The following PASD1 variants were observed in gnomAD, a reference collection of about 807,000 sequenced individuals.
PASD1 encodes circadian clock protein PASD1.
PASD1 carries 13 observed loss-of-function variants against 58.8 expected under a neutral mutation model. The ratio of observed to expected loss-of-function variants is 0.22; its 90% confidence interval spans 0.14 to 0.35. PASD1 has a LOEUF of 0.35. Ranked by LOEUF, PASD1 falls within the 10% of genes least tolerant of loss-of-function variation. PASD1 has a pLI of 1.00. For missense variants in PASD1, 734 were observed against 568.3 expected (o/e 1.29, Z -2.96); for synonymous variants, 236 against 216.7 (o/e 1.09, Z -0.78).
At chrX:151,674,319 C>T in intron 15 of PASD1, 133 bp downstream of exon 15, 1 of 841,427 alleles carries the variant, frequency 1.2e-6, no homozygotes, top group East Asian at 3.1e-5. Context: ...CATTTGACGG[C>T]AGTTAGTCAC....
At chrX:151,631,271 C>T (rs2013863118) in intron 8 of PASD1, among the ~76,000 whole-genome samples, 2 of 111,545 alleles carry the variant, frequency 1.8e-5, no homozygotes, top group Admixed American at 1.9e-4. Context: ...ATGTATGATT[C>T]ACCCAAACTC....
At chrX:151,587,021 G>C (rs1266421323) in intron 1 of PASD1, among the ~76,000 whole-genome samples, 1 of 111,517 alleles carries the variant, frequency 9.0e-6, no homozygotes, top group African/African-American at 3.3e-5. Flanking sequence ...ATCTGTTTTA[G>C]AGCCTGCAGA....
chrX:151,668,739 C>T (rs1362763837), intron 11 of PASD1, among the ~76,000 whole-genome samples: 1 of 109,285 alleles, frequency 9.2e-6, no homozygotes, highest in Non-Finnish European at 1.9e-5. Flanking sequence ...CAAAAAAAGT[C>T]CAGGACCAGA....
In PASD1 at chrX:151,672,477, G is replaced by T; in HGVS notation, c.1732G>T (p.Val578Leu). 8 of 1,211,937 alleles carry T rather than the reference G, an allele frequency of 6.6e-6. No homozygotes were observed. Among genetic ancestry groups the T allele is most frequent in the Non-Finnish European group, 8.9e-6 (8 of 895,615 alleles). ...GCAGCCACTGAAGCATAATGTCATC[G>T]TGGGGAATGAGAGGGTGCAGATATG... ...QEQPLKHNVI[V>L]GNERVQICLQ... The change falls in exon 14 of 16, where the codon GTG (valine) becomes TTG (leucine). Residue 578 changes from valine to leucine, a missense_variant. Physicochemically the swap from Val to Leu is conservative, Grantham distance 32 (BLOSUM62 1). Transcript: ENST00000370357.
chrX:151,650,838 G>A, intron 9 of PASD1, among the ~76,000 whole-genome samples: 1 of 111,727 alleles, frequency 9.0e-6, no homozygotes, highest in Non-Finnish European at 1.9e-5. Flanking sequence ...ATTGCAGAGA[G>A]GGAGAACACA....
At chrX:151,588,161 G>T (rs1367022209) in intron 1 of PASD1, among the ~76,000 whole-genome samples, 2 of 111,744 alleles carry the variant, frequency 1.8e-5, no homozygotes, top group African/African-American at 6.5e-5. Context: ...ACCATATTGA[G>T]ATTTGAAAGA....
chrX:151,599,788 G>T (rs1269701745), intron 1 of PASD1, among the ~76,000 whole-genome samples: 1 of 108,915 alleles, frequency 9.2e-6, no homozygotes, highest in Non-Finnish European at 1.9e-5. Context: ...AGACTGGGCG[G>T]CCGGGCAGAG....
intron 1 of PASD1, 91 bp from the exon 2 acceptor site, chrX:151,601,436 C>T: frequency 1.5e-6 from 1 of 651,676 alleles, no homozygotes; most frequent in Non-Finnish European, 2.4e-6. Flanking sequence ...AAAAGTGTTA[C>T]ACAATTGAGA....
intron 9 of PASD1, among the ~76,000 whole-genome samples, chrX:151,657,470 C>T (rs879170358): frequency 9.0e-6 from 1 of 111,524 alleles, no homozygotes; most frequent in African/African-American, 3.3e-5. Flanking sequence ...TAGAATTCGA[C>T]TGTGAGTCCG....
rs201580307 is a variant in PASD1 at position 151,674,173 on chromosome X, C to A, written c.2162C>A (p.Pro721His). Residue 721 changes from proline to histidine, a missense_variant, in exon 15 of 16, where the codon CCC (proline) becomes CAC (histidine). Physicochemically the swap from Pro to His is moderately conservative, Grantham distance 77. Transcript: ENST00000370357. ...CDEQGTLHGQ[P>H]TYHQVQVSEV... is the part of the protein sequence containing the mutation. ...GAGCAGGGCACCCTGCACGGCCAAC[C>A]CACCTACCATCAGGTATGGGACAGC... 3.7e-5 allele frequency: 45 copies of A among 1,210,211 alleles called. No homozygotes were observed. Among genetic ancestry groups the A allele is most frequent in the Non-Finnish European group, 4.8e-5 (43 of 895,261 alleles).
At chrX:151,591,197 A>G (rs189971922) in intron 1 of PASD1, among the ~76,000 whole-genome samples, 1 of 112,001 alleles carries the variant, frequency 8.9e-6, no homozygotes, top group Non-Finnish European at 1.9e-5. Context: ...ATATTATCAT[A>G]GTAGTCATGC....
At position 151,620,909 on chromosome X, in the gene PASD1, C is replaced by CCTCCT. The variant is rs749191302; in HGVS notation, c.208-10_208-6dup. ...CTTCCCCTCCTTTTTCCCTCCACCT[C>CCTCCT]CTCCTCTCCTCTCCTGCCAGGCTGA... On this transcript the variant is annotated intron_variant, in intron 4 of 15. Coordinates refer to ENST00000370357, the MANE Select transcript of PASD1 (RefSeq NM_173493.3). The CCTCCT allele has an allele frequency of 4.9e-5, 57 of 1,153,520 alleles. 2 individuals carry two copies. Among genetic ancestry groups the CCTCCT allele is most frequent in the Non-Finnish European group, 4.1e-5 (35 of 847,642 alleles).
chrX:151,573,681 GAT>G (rs1269736877), intron 1 of PASD1, among the ~76,000 whole-genome samples: 1 of 112,481 alleles, frequency 8.9e-6, no homozygotes, highest in African/African-American at 3.2e-5. Flanking sequence ...ATTAAGTAAA[GAT>G]ATAGGGAAGG....
chrX:151,614,029 G>A (rs1288619571), intron 4 of PASD1, among the ~76,000 whole-genome samples: 4 of 109,516 alleles, frequency 3.7e-5, no homozygotes, highest in South Asian at 4.0e-4. Context: ...TTGTCACCCA[G>A]GCTGGAGTGC....
intron 8 of PASD1, among the ~76,000 whole-genome samples, chrX:151,633,184 T>C (rs182492309): frequency 9.0e-6 from 1 of 111,614 alleles, no homozygotes; most frequent in East Asian, 2.8e-4. Flanking sequence ...ACTCTCTCCA[T>C]GAACAACCGA....
intron 11 of PASD1, among the ~76,000 whole-genome samples, chrX:151,668,265 G>A (rs936651452): frequency 8.1e-5 from 9 of 111,612 alleles, no homozygotes; most frequent in South Asian, 3.8e-4. Context: ...TGAGATAATC[G>A]TATGGTTTTT....
intron 1 of PASD1, among the ~76,000 whole-genome samples, chrX:151,593,594 A>G (rs1490237578): frequency 9.0e-6 from 1 of 111,489 alleles, no homozygotes; most frequent in Non-Finnish European, 1.9e-5. Flanking sequence ...TTATGGCTGC[A>G]TACTATTCCA....
rs942562415 is a variant in PASD1 at position 151,671,201 on chromosome X, G to GGTT, written c.1230+5_1230+6insGTT. Reference sequence around the variant, plus strand: ...TTGATGATGGATCACCTTCAGGTCAGTCAGGATGCTAGGTTTCAGGTCAGA... The same window carrying GGTT: ...TTGATGATGGATCACCTTCAGGTCAGGTTTCAGGATGCTAGGTTTCAGGTCAGA... On this transcript the variant is annotated splice_donor_region_variant and intron_variant, in intron 12 of 15. Coordinates refer to ENST00000370357, the MANE Select transcript of PASD1 (RefSeq NM_173493.3). 8.3e-6 allele frequency: 10 copies of GGTT among 1,208,161 alleles called. No homozygotes were observed. The Admixed American group carries it at 1.5e-4, about 19-fold the overall frequency.
intron 9 of PASD1, among the ~76,000 whole-genome samples, chrX:151,657,435 T>C (rs1031823691): frequency 1.8e-5 from 2 of 111,859 alleles, no homozygotes; most frequent in Admixed American, 1.9e-4. Context: ...GAAGGAATGG[T>C]ACCAGCTCCT....
Sources: gnomAD v4.1 joint callset for allele counts (sites outside exome capture counted in the v4.1 genomes callset) on GRCh38, gnomAD v4.1.1 for gene constraint, MANE v1.5 for transcripts, NCBI Gene and HGNC (gene_info 2026-07-23, HGNC 2026-07-21) for gene names.